CDC42BPB: variants seen among roughly 807,000 people sequenced by gnomAD.
CDC42BPB encodes serine/threonine-protein kinase MRCK beta.
CDC42BPB carries 37 observed loss-of-function variants against 214.9 expected under a neutral mutation model. The ratio of observed to expected loss-of-function variants is 0.17; its 90% CI spans 0.13 to 0.23. The LOEUF (loss-of-function observed/expected upper bound fraction) is 0.23. Ranked by LOEUF, CDC42BPB falls within the 10% of genes least tolerant of loss-of-function variation. CDC42BPB has a pLI of 1.00. For synonymous variants in CDC42BPB, 931 were observed against 884.0 expected (o/e 1.05, Z -0.94); for missense variants, 1,694 against 2,227.0 (o/e 0.76, Z 4.82).
At chr14:102,986,853 C>T (rs1229829469) in intron 5 of CDC42BPB, 1 of 364,622 alleles carries the variant, frequency 2.7e-6, no homozygotes, top group East Asian at 1.6e-4. Flanking sequence ...CCCTCCTGAG[C>T]ATCTCCTTGG....
intron 1 of CDC42BPB, among the ~76,000 whole-genome samples, chr14:103,022,145 G>T (rs1021938282): frequency 6.6e-6 from 1 of 152,170 alleles, no homozygotes; most frequent in African/African-American, 2.4e-5. Flanking sequence ...TGAGGTGGCT[G>T]CGGGGAAGAG....
In CDC42BPB at chr14:102,944,335, G is replaced by C. The variant is rs1892046481; in HGVS notation, c.3964C>G (p.Leu1322Val). Residue 1322 changes from leucine to valine, a missense_variant, in exon 30 of 37, where the codon CTT becomes GTT. By Grantham distance (32) the Leu-to-Val change is conservative. Transcript: ENST00000361246. This position sits in a 1 kb window ranked among gnomAD's most constrained non-coding sequence, Gnocchi z 6.6. ...AGCTGGCAGCCTTTGGTTTCCGGAA[G>C]CTTGATGTCAAAGCTGCCTTCCGCT... Reference protein sequence around the residue: ...DGAEGSFDIKLPETKGCQLMA... With the variant: ...DGAEGSFDIKVPETKGCQLMA... 3.7e-6 allele frequency: 6 copies of C among 1,613,002 alleles called. No individual in the cohort carries two copies. The highest frequency in any genetic ancestry group is 3.4e-6 in the Non-Finnish European group (4 of 1,180,024).
intron 1 of CDC42BPB, among the ~76,000 whole-genome samples, chr14:103,024,631 G>A (rs1886948635): frequency 6.6e-6 from 1 of 152,204 alleles, no homozygotes; most frequent in Non-Finnish European, 1.5e-5. Flanking sequence ...ACAGACTTGA[G>A]AAGGCAGGAT....
At chr14:103,005,650 C>G (rs1895202747) in intron 3 of CDC42BPB, among the ~76,000 whole-genome samples, 1 of 152,116 alleles carries the variant, frequency 6.6e-6, no homozygotes. Context: ...GATCATGCCA[C>G]TGTACTCCAG....
intron 1 of CDC42BPB, among the ~76,000 whole-genome samples, chr14:103,016,998 G>A (rs1288148087): frequency 6.6e-6 from 1 of 152,130 alleles, no homozygotes; most frequent in Non-Finnish European, 1.5e-5. Flanking sequence ...TGCTCAAAAT[G>A]AACACAAGCA....
intron 8 of CDC42BPB, chr14:102,978,442 G>A (rs568117398): frequency 1.1e-5 from 6 of 567,770 alleles, no homozygotes; most frequent in East Asian, 2.9e-4. Flanking sequence ...CTCTGATTTC[G>A]ATGATGACAG....
intron 1 of CDC42BPB, among the ~76,000 whole-genome samples, chr14:103,034,566 C>T (rs1193492772): frequency 6.6e-6 from 1 of 152,166 alleles, no homozygotes; most frequent in East Asian, 1.9e-4. Context: ...GCAATCCCAA[C>T]ACTTTGGGAG....
intron 5 of CDC42BPB, among the ~76,000 whole-genome samples, chr14:102,997,135 T>C (rs1894775166): frequency 6.6e-6 from 1 of 152,114 alleles, no homozygotes; most frequent in Non-Finnish European, 1.5e-5. Context: ...GAAAGCCTCC[T>C]GATCACCACG....
chr14:102,952,585 T>C lies in CDC42BPB; in HGVS notation c.3085A>G (p.Ser1029Gly), dbSNP rs1892539175. ...GTAGGGCTGGAGAAGGACTTGATGCTGAACTGGTGAGCTTTTGGCTGGAAG... is the reference window on the plus strand; with the variant it reads ...GTAGGGCTGGAGAAGGACTTGATGCCGAACTGGTGAGCTTTTGGCTGGAAG... ...AGPKPKAHQF[S>G]IKSFSSPTQC... The change falls in exon 24 of 37, where the codon AGC becomes GGC. Residue 1029 changes from serine to glycine, a missense_variant. Ser to Gly is a moderately conservative substitution (Grantham distance 56). Coordinates refer to ENST00000361246, the MANE Select transcript of CDC42BPB (RefSeq NM_006035.4). The C allele has an allele frequency of 2.5e-6, 4 of 1,613,808 alleles. No homozygotes were observed. Among genetic ancestry groups the C allele is most frequent in the Non-Finnish European group, 3.4e-6 (4 of 1,179,878 alleles).
At chr14:102,941,071 G>C in intron 30 of CDC42BPB, 1 of 952,852 alleles carries the variant, frequency 1.0e-6, no homozygotes, top group Non-Finnish European at 1.2e-6. Context: ...GTTTAGAAGA[G>C]CAGTGACACA....
Position 102,933,701 on chromosome 14 carries a change from A to AG in CDC42BPB, c.*10dup. On this transcript the variant is annotated 3_prime_UTR_variant, in exon 37 of 37. Transcript: ENST00000361246. Reference sequence around the variant, plus strand: ...CTCCAGCTCCCTGGCCCCTGTGGCGAGCTGGCGGCTTCAGGTGTCACAGGC... The same window carrying AG: ...CTCCAGCTCCCTGGCCCCTGTGGCGAGGCTGGCGGCTTCAGGTGTCACAGGC... 1.4e-6 allele frequency: 2 copies of AG among 1,452,524 alleles called. No individual in the cohort carries two copies. Among genetic ancestry groups the AG allele is most frequent in the Non-Finnish European group, 1.8e-6 (2 of 1,116,106 alleles). The allele number at this position is 1,452,524 out of a possible 1,614,324, so 90.0% of individuals were successfully genotyped here.
intron 4 of CDC42BPB, among the ~76,000 whole-genome samples, chr14:103,002,542 C>G (rs951451448): frequency 3.0e-4 from 46 of 152,200 alleles, no homozygotes; most frequent in Non-Finnish European, 1.9e-4. Context: ...TCACTCAGTT[C>G]TTATCGAAAG....
chr14:102,950,766 G>A (rs1892452530), intron 24 of CDC42BPB, 164 bp from the exon 25 acceptor site: 1 of 796,364 alleles, frequency 1.3e-6, no homozygotes, highest in Admixed American at 6.2e-5. Context: ...AGCAGTTTGA[G>A]ACCAGCCTGG....
intron 5 of CDC42BPB, among the ~76,000 whole-genome samples, chr14:102,994,627 C>T (rs1055167178): frequency 7.9e-5 from 12 of 152,350 alleles, no homozygotes; most frequent in Admixed American, 7.2e-4. Context: ...CGCTGAGAAG[C>T]AGCTCTAGGC....
rs373805829 is a variant in CDC42BPB at position 102,970,222 on chromosome 14, T to C, written c.1924A>G (p.Lys642Glu). 6.2e-7 allele frequency: 1 copy of C among 1,613,804 alleles called. No homozygotes were observed. The highest frequency in any genetic ancestry group is 8.5e-7 in the Non-Finnish European group (1 of 1,179,922). Residue 642 changes from lysine to glutamate, a missense_variant, in exon 14 of 37, where the codon AAG (lysine) becomes GAG (glutamate). Lys to Glu is a moderately conservative substitution (Grantham distance 56). Transcript: ENST00000361246. ...CTGTGCTCACGAAGCTTGCGCTCCT[T>C]GGAGGCCTCAGCAACAGCATCATCA... ...QLDDAVAEAS[K>E]ERKLREHSEN... is the part of the protein sequence containing the mutation.
chr14:102,946,071 T>C (rs1487367489), intron 28 of CDC42BPB, among the ~76,000 whole-genome samples: 3 of 151,936 alleles, frequency 2.0e-5, no homozygotes, highest in African/African-American at 7.3e-5. Flanking sequence ...TGCAGTGGTG[T>C]GATCTCGGCT....
intron 36 of CDC42BPB, among the ~76,000 whole-genome samples, chr14:102,936,358 GGGGAAGAAT>G (rs1333576437): frequency 1.3e-5 from 2 of 152,198 alleles, no homozygotes; most frequent in Non-Finnish European, 2.9e-5. Context: ...ATGTGCCTCA[GGGGAAGAAT>G]GGGAAAACAA....
rs185904805 is a variant in CDC42BPB, at chr14:102,987,051, A to T, written c.597-471T>A. Among the ~76,000 whole-genome samples the T allele has an allele frequency of 5.3e-3, 809 of 152,342 alleles. 9 individuals are homozygous for T. Among genetic ancestry groups the T allele is most frequent in the Non-Finnish European group, 6.9e-3 (470 of 68,034 alleles). On this transcript the variant is annotated intron_variant, in intron 5 of 36. Transcript: ENST00000361246. Reference sequence around the variant, plus strand: ...AGGAATGGGACAAAGGGACAGAGGGACACGTGTGGAGGAAGCTGGCTGGGG... The same window carrying T: ...AGGAATGGGACAAAGGGACAGAGGGTCACGTGTGGAGGAAGCTGGCTGGGG...
At position 103,040,280 on chromosome 14, in the gene CDC42BPB, G is replaced by A. The variant is rs552443377; in HGVS notation, c.175+16719C>T. On this transcript the variant is annotated intron_variant, in intron 1 of 36. Transcript: ENST00000361246. ...TGAGGCAGGAGAATCGCTTGGACCC[G>A]GGAGGCAGAGGTTGCAGTGAGCCAA... Among the ~76,000 whole-genome samples, 13 of 151,888 alleles carry A rather than the reference G, an allele frequency of 8.6e-5. No individual in the cohort carries two copies. In the East Asian group the frequency reaches 1.6e-3, roughly 18 times the overall value.
Sources: allele counts gnomAD v4.1 joint callset (sites outside exome capture counted in the v4.1 genomes callset), GRCh38; gene constraint gnomAD v4.1.1; non-coding constraint Gnocchi (gnomAD v3.1); transcripts MANE v1.5; gene names NCBI Gene and HGNC (gene_info 2026-07-23, HGNC 2026-07-21).